The following UBXN7 variants were observed in gnomAD, a reference collection of about 807,000 sequenced individuals.
The protein encoded by UBXN7 is UBX domain protein 7.
A neutral mutation model predicts 58.0 loss-of-function variants in UBXN7; 9 were observed. The observed-to-expected ratio is 0.16, with a 90% confidence interval of 0.09 to 0.27. The LOEUF (loss-of-function observed/expected upper bound fraction) is 0.27. Among genes scored for constraint, UBXN7 ranks in the 10% least tolerant of loss-of-function variants. The probability of loss-of-function intolerance (pLI) is 1.00; values close to 1 mark genes in which losing one functional copy is unlikely to be tolerated. For missense variants in UBXN7, 328 were observed against 599.6 expected, an observed-to-expected ratio of 0.55 and a Z score of 4.73; for synonymous variants, 208 against 205.0, an observed-to-expected ratio of 1.01 and a Z score of -0.12.
At chr3:196,371,769 T>A in intron 6 of UBXN7, 127 bp downstream of exon 6, 1 of 1,211,640 alleles carries the variant, frequency 8.3e-7, no homozygotes. Flanking sequence ...AGGCGTGAGC[T>A]ACTGCCCCCA....
intron 8 of UBXN7, among the ~76,000 whole-genome samples, chr3:196,364,634 C>T (rs1728605310): frequency 1.3e-5 from 2 of 150,080 alleles, no homozygotes; most frequent in African/African-American, 4.9e-5. Flanking sequence ...AAAGAAACCA[C>T]ATTTTGGCTT....
intron 7 of UBXN7, 53 bp from the exon 8 acceptor site, chr3:196,368,208 T>C (rs949020775): frequency 5.2e-6 from 8 of 1,535,458 alleles, no homozygotes; most frequent in Non-Finnish European, 7.0e-6. Context: ...AGAATCCTTC[T>C]GAACATTCTC....
chr3:196,396,931 C>CTA (rs1245257360), intron 3 of UBXN7, among the ~76,000 whole-genome samples: 1 of 152,196 alleles, frequency 6.6e-6, no homozygotes, highest in African/African-American at 2.4e-5. Context: ...TCCCCCTTCT[C>CTA]TATAAGGGAC....
In UBXN7 at chr3:196,401,272, A is replaced by C. The variant is rs867747935; in HGVS notation, c.289+1680T>G. ...CCAAAAAAAAAAAAAAAAAAAAAAA[A>C]AAATATATATATATATATATATATA... On this transcript the variant is annotated intron_variant, in intron 3 of 10. Coordinates refer to ENST00000296328, the MANE Select transcript of UBXN7 (RefSeq NM_015562.2). 2.0e-3 allele frequency among the ~76,000 whole-genome samples: 152 copies of C among 74,924 alleles called. 13 individuals carry two copies. The South Asian group carries it at 0.062, about 30-fold the overall frequency. 49.2% of individuals were successfully genotyped at this position (74,924 alleles called of 152,430 possible).
intron 5 of UBXN7, among the ~76,000 whole-genome samples, chr3:196,377,148 C>G (rs748923363): frequency 5.3e-5 from 8 of 151,966 alleles, no homozygotes; most frequent in East Asian, 3.9e-4. Flanking sequence ...GCTAATTAAA[C>G]TGCTTTAGAC....
At chr3:196,429,321 C>T (rs1418893258) in intron 1 of UBXN7, among the ~76,000 whole-genome samples, 2 of 148,562 alleles carry the variant, frequency 1.3e-5, no homozygotes, top group African/African-American at 5.0e-5. Context: ...AGCGAGACTC[C>T]GTCTCAAAAA....
In UBXN7 at chr3:196,374,179, A is replaced by C. The variant is rs114412250; in HGVS notation, c.469-2137T>G. Among the ~76,000 whole-genome samples, 1,311 of 152,288 alleles carry C rather than the reference A, an allele frequency of 8.6e-3. 17 individuals carry two copies. The highest frequency in any genetic ancestry group is 0.03 in the African/African-American group (1,227 of 41,558). ...GCGCACATATTCCTACAGCAGGGTA[A>C]ATTTACATAAGTCTGCCCCAAAAAC... On this transcript the variant is annotated intron_variant, in intron 5 of 10. Coordinates refer to ENST00000296328, the MANE Select transcript of UBXN7 (RefSeq NM_015562.2).
chr3:196,363,239 CA>C (rs1728557786), intron 8 of UBXN7, among the ~76,000 whole-genome samples: 1 of 134,360 alleles, frequency 7.4e-6, no homozygotes, highest in Non-Finnish European at 1.6e-5. Context: ...TACATACATA[CA>C]TACATACATA....
At chr3:196,407,477 A>C in intron 1 of UBXN7, 84 bp from the exon 2 acceptor site, 1 of 1,482,702 alleles carries the variant, frequency 6.7e-7, no homozygotes, top group South Asian at 1.4e-5. Flanking sequence ...TAGAATTCCC[A>C]AGTAAATTAA....
intron 1 of UBXN7, among the ~76,000 whole-genome samples, chr3:196,421,780 C>CAA (rs879319663): frequency 7.9e-6 from 1 of 125,904 alleles, no homozygotes; most frequent in Non-Finnish European, 1.7e-5. Context: ...CATCTCAAAC[C>CAA]AAAAAAAAAA....
rs906941551 is a variant in UBXN7 at position 196,356,572 on chromosome 3, T to C, written c.*113A>G. The stretch of plus-strand genomic sequence containing the variant: ...AAGAAATAAGAGAAGGAAGGTGACT[T>C]GCTTGCCCAACTTTGGCTCTGTGGT... On this transcript the variant is annotated 3_prime_UTR_variant, in exon 11 of 11. Coordinates refer to ENST00000296328, the MANE Select transcript of UBXN7 (RefSeq NM_015562.2). 8.8e-5 allele frequency: 104 copies of C among 1,182,036 alleles called. No homozygotes were observed. The highest frequency in any genetic ancestry group is 1.2e-4 in the Non-Finnish European group (99 of 848,006). 73.2% of individuals were successfully genotyped at this position (1,182,036 alleles called of 1,614,324 possible).
chr3:196,427,462 C>T (rs1044154322), intron 1 of UBXN7, among the ~76,000 whole-genome samples: 2 of 152,050 alleles, frequency 1.3e-5, no homozygotes, highest in South Asian at 2.1e-4. Context: ...GGACTACAGG[C>T]GTGCACCACC....
chr3:196,399,050 AGTCT>A (rs1204154367), intron 3 of UBXN7, among the ~76,000 whole-genome samples: 4 of 152,230 alleles, frequency 2.6e-5, no homozygotes, highest in African/African-American at 2.4e-5. Context: ...GTAAACTGAT[AGTCT>A]GTCAGCGATT....
intron 8 of UBXN7, among the ~76,000 whole-genome samples, chr3:196,365,889 T>C (rs972349996): frequency 1.3e-5 from 2 of 151,972 alleles, no homozygotes; most frequent in South Asian, 2.1e-4. Flanking sequence ...GTAAATGTCA[T>C]CAAACATTAA....
Position 196,404,797 on chromosome 3 carries a change from C to T in UBXN7, c.222-1778G>A, listed in dbSNP as rs115470201. On this transcript the variant is annotated intron_variant, in intron 2 of 10. Coordinates refer to ENST00000296328, the MANE Select transcript of UBXN7 (RefSeq NM_015562.2). ...TTCCTACTGCTCACACACAAAATTT[C>T]GATAATCTGAAGAAACAGACGACAC... Among the ~76,000 whole-genome samples, 1,519 of 152,218 alleles carry T rather than the reference C, an allele frequency of 1.0e-2. 31 individuals are homozygous for T. The highest frequency in any genetic ancestry group is 0.035 in the African/African-American group (1,445 of 41,530).
intron 8 of UBXN7, among the ~76,000 whole-genome samples, chr3:196,363,239 C>T (rs1407461515): frequency 7.4e-6 from 1 of 134,356 alleles, no homozygotes; most frequent in Non-Finnish European, 1.6e-5. Flanking sequence ...TACATACATA[C>T]ATACATACAT....
intron 5 of UBXN7, among the ~76,000 whole-genome samples, chr3:196,385,812 T>G (rs1195911991): frequency 2.1e-5 from 3 of 145,450 alleles, no homozygotes; most frequent in Non-Finnish European, 4.5e-5. Flanking sequence ...GGGGCGCCTC[T>G]GCCCGGCCGC....
intron 5 of UBXN7, among the ~76,000 whole-genome samples, chr3:196,384,382 C>G (rs1035639485): frequency 2.0e-5 from 3 of 152,178 alleles, no homozygotes; most frequent in African/African-American, 4.8e-5. Flanking sequence ...CAAAGAGGAG[C>G]TGGTACCATT....
At chr3:196,372,217 T>C (rs1231284995) in intron 5 of UBXN7, among the ~76,000 whole-genome samples, 175 bp from the exon 6 acceptor site, 1 of 152,112 alleles carries the variant, frequency 6.6e-6, no homozygotes, top group African/African-American at 2.4e-5. Flanking sequence ...TATGCATTTA[T>C]AGCTATACTG....
Sources: allele counts gnomAD v4.1 joint callset (sites outside exome capture counted in the v4.1 genomes callset), GRCh38; gene constraint gnomAD v4.1.1; transcripts MANE v1.5; gene names NCBI Gene and HGNC (gene_info 2026-07-23, HGNC 2026-07-21).